GRIN2A: variants seen among roughly 807,000 people sequenced by gnomAD.
GRIN2A encodes the protein glutamate ionotropic receptor NMDA type subunit 2A, also known as glutamate receptor ionotropic, NMDA 2A.
A neutral mutation model predicts 113.4 loss-of-function variants in GRIN2A; 22 were observed. The observed-to-expected ratio is 0.19, with a 90% CI of 0.14 to 0.28. The LOEUF (loss-of-function observed/expected upper bound fraction) is 0.28, where lower values mean the gene tolerates loss of function less well. Ranked by LOEUF, GRIN2A falls within the 10% of genes least tolerant of loss-of-function variation. GRIN2A has a pLI of 1.00. For synonymous variants in GRIN2A, 827 were observed against 738.4 expected (o/e 1.12, Z -1.94); for missense variants, 1,502 against 1,887.0 (o/e 0.80, Z 3.78).
At chr16:9,944,363 G>A (rs1275692538) in intron 2 of GRIN2A, among the ~76,000 whole-genome samples, 1 of 151,960 alleles carries the variant, frequency 6.6e-6, no homozygotes, top group African/African-American at 2.4e-5. Context: ...GCATTCTCAC[G>A]TGCACATAAG....
intron 4 of GRIN2A, among the ~76,000 whole-genome samples, chr16:9,879,171 T>C (rs2043429328): frequency 6.6e-6 from 1 of 152,118 alleles, no homozygotes; most frequent in South Asian, 2.1e-4. Context: ...TTAACGATCA[T>C]TATATAAGGA....
chr16:10,040,492 A>C (rs1039565768), intron 2 of GRIN2A, among the ~76,000 whole-genome samples: 2 of 151,596 alleles, frequency 1.3e-5, no homozygotes, highest in East Asian at 3.9e-4. Flanking sequence ...ACACACATTC[A>C]CACCACACAT....
At chr16:9,855,465 G>A (rs2042951395) in intron 4 of GRIN2A, among the ~76,000 whole-genome samples, 1 of 152,160 alleles carries the variant, frequency 6.6e-6, no homozygotes, top group Non-Finnish European at 1.5e-5. Context: ...TTGACAAATG[G>A]AGATCTGAGT....
At chr16:9,997,143 A>G (rs1205283662) in intron 2 of GRIN2A, among the ~76,000 whole-genome samples, 1 of 152,190 alleles carries the variant, frequency 6.6e-6, no homozygotes, top group Non-Finnish European at 1.5e-5. Context: ...CTGAGTTAAA[A>G]CTCAAAACAG....
chr16:10,097,537 C>T (rs537032705), intron 2 of GRIN2A, among the ~76,000 whole-genome samples: 23 of 152,284 alleles, frequency 1.5e-4, no homozygotes, highest in Middle Eastern at 3.4e-3. Context: ...AACACTTTTG[C>T]TCTTCCTCCT....
chr16:10,067,285 A>T (rs891760101), intron 2 of GRIN2A, among the ~76,000 whole-genome samples: 1 of 152,186 alleles, frequency 6.6e-6, no homozygotes, highest in Non-Finnish European at 1.5e-5. Context: ...ACCCACGAAA[A>T]ATTCACACTC....
At chr16:10,088,923 G>T (rs953492361) in intron 2 of GRIN2A, among the ~76,000 whole-genome samples, 1 of 152,146 alleles carries the variant, frequency 6.6e-6, no homozygotes, top group African/African-American at 2.4e-5. Context: ...CCATTCATTT[G>T]TTTAACAAAT....
intron 11 of GRIN2A, among the ~76,000 whole-genome samples, chr16:9,770,631 A>C (rs1313843815): frequency 6.6e-6 from 1 of 152,138 alleles, no homozygotes; most frequent in Non-Finnish European, 1.5e-5. Flanking sequence ...TTTGGTGTGA[A>C]GTCTAGATGT....
intron 11 of GRIN2A, among the ~76,000 whole-genome samples, chr16:9,773,127 T>C (rs1901381033): frequency 2.0e-5 from 3 of 152,208 alleles, no homozygotes; most frequent in Admixed American, 2.0e-4. Context: ...GACCATGTTT[T>C]ATGGTTTTGA....
At chr16:9,858,345 C>T (rs1193097069) in intron 4 of GRIN2A, among the ~76,000 whole-genome samples, 2 of 152,044 alleles carry the variant, frequency 1.3e-5, no homozygotes, top group Non-Finnish European at 2.9e-5. Flanking sequence ...TAATAAACTC[C>T]CTATACGGAA....
chr16:9,797,156 T>G (rs910346415), intron 11 of GRIN2A, among the ~76,000 whole-genome samples: 6 of 152,238 alleles, frequency 3.9e-5, no homozygotes, highest in Middle Eastern at 3.2e-3. Context: ...GGTAACTAGA[T>G]TTTTCTCTCC....
intron 2 of GRIN2A, among the ~76,000 whole-genome samples, chr16:10,010,601 C>T (rs866687776): frequency 1.3e-5 from 2 of 152,224 alleles, no homozygotes; most frequent in South Asian, 2.1e-4. Flanking sequence ...TTTATAGGTA[C>T]TTCATAGGTT....
intron 4 of GRIN2A, among the ~76,000 whole-genome samples, chr16:9,865,789 A>AGCTGTT (rs1394099272): frequency 2.0e-5 from 3 of 152,338 alleles, no homozygotes; most frequent in Admixed American, 2.0e-4. Context: ...CCCAAGGGCA[A>AGCTGTT]GCTGTTTCTG....
chr16:10,039,808 G>GAGAGAGCGAGAGAGAGA (rs373952509), intron 2 of GRIN2A, among the ~76,000 whole-genome samples: 1 of 63,812 alleles, frequency 1.6e-5, no homozygotes, highest in African/African-American at 7.8e-5. Context: ...GGGAGGGGGG[G>GAGAGAGCGAGAGAGAGA]GAGAAAGAGA....
intron 3 of GRIN2A, among the ~76,000 whole-genome samples, chr16:9,913,586 C>T (rs2044186191): frequency 6.6e-6 from 1 of 152,134 alleles, no homozygotes; most frequent in Admixed American, 6.5e-5. Flanking sequence ...TAAGTTATCG[C>T]ATTTTATACT....
At chr16:9,954,096 C>T (rs1567197787) in intron 2 of GRIN2A, among the ~76,000 whole-genome samples, 2 of 152,182 alleles carry the variant, frequency 1.3e-5, no homozygotes, top group Non-Finnish European at 2.9e-5. Context: ...CTGTCCTAGA[C>T]AGAGAAACTT....
intron 10 of GRIN2A, among the ~76,000 whole-genome samples, chr16:9,808,362 T>G (rs1222047689): frequency 1.3e-5 from 2 of 152,272 alleles, no homozygotes; most frequent in East Asian, 3.9e-4. Flanking sequence ...TCCAGGATGC[T>G]TATCCTTTAA....
chr16:9,837,193 C>T (rs192253211), intron 7 of GRIN2A, among the ~76,000 whole-genome samples: 21 of 152,128 alleles, frequency 1.4e-4, no homozygotes, highest in South Asian at 8.3e-4. Context: ...AGATAATGAC[C>T]GTAAATAAGG....
At chr16:10,145,575 A>G (rs545181244) in intron 2 of GRIN2A, among the ~76,000 whole-genome samples, 2 of 152,308 alleles carry the variant, frequency 1.3e-5, no homozygotes, top group South Asian at 4.1e-4. Context: ...TTCATTACAC[A>G]TTCTCTCTAT....
Sources: allele counts gnomAD v4.1 joint callset (sites outside exome capture counted in the v4.1 genomes callset), GRCh38; gene constraint gnomAD v4.1.1; transcripts MANE v1.5; gene names NCBI Gene and HGNC (gene_info 2026-07-23, HGNC 2026-07-21).